Variants in NTAQ1 observed in about 807,000 individuals in gnomAD.
NTAQ1 encodes the protein N-terminal glutamine amidase 1, also known as protein N-terminal glutamine amidohydrolase.
NTAQ1 carries 21 observed loss-of-function variants against 28.2 expected under a neutral mutation model. The observed-to-expected ratio is 0.74, with a 90% CI of 0.53 to 1.07. The LOEUF (loss-of-function observed/expected upper bound fraction) is 1.07, where lower values mean the gene tolerates loss of function less well. NTAQ1 is among the 50% of genes least tolerant of loss of function. The probability of loss-of-function intolerance (pLI) is 0.00; values close to 1 mark genes in which losing one functional copy is unlikely to be tolerated. For synonymous variants in NTAQ1, 105 were observed against 90.0 expected (o/e 1.17, Z -0.94); for missense variants, 264 against 256.6 (o/e 1.03, Z -0.20).
chr8:123,426,153 T>C (rs1425703850), intron 1 of NTAQ1, among the ~76,000 whole-genome samples: 1 of 152,204 alleles, frequency 6.6e-6, no homozygotes, highest in Non-Finnish European at 1.5e-5. Flanking sequence ...ACCCAACAGC[T>C]GAGCTGTGAG....
At chr8:123,457,655 C>T (rs987130868) in intron 6 of NTAQ1, among the ~76,000 whole-genome samples, 7 of 152,140 alleles carry the variant, frequency 4.6e-5, no homozygotes, top group African/African-American at 1.7e-4. Flanking sequence ...AACTGGGTGG[C>T]TAGGGTCACG....
In NTAQ1 at chr8:123,436,397, C is replaced by G. The variant is rs73705918; in HGVS notation, c.235-56C>G. 1.7e-5 allele frequency: 27 copies of G among 1,562,690 alleles called. No homozygotes were observed. The African/African-American group carries it at 3.7e-4, about 21-fold the overall frequency. On this transcript the variant is annotated intron_variant, in intron 3 of 5. Coordinates refer to ENST00000287387, the MANE Select transcript of NTAQ1 (RefSeq NM_018024.3). ...TAGTGATAAGGTATGTGTCTGAATA[C>G]TGGGATTTCATCATTATGAAGTAAC...
chr8:123,468,152 G>A (rs1472378900), exon 7 of NTAQ1, among the ~76,000 whole-genome samples: 2 of 152,160 alleles, frequency 1.3e-5, no homozygotes, highest in Non-Finnish European at 2.9e-5. Flanking sequence ...CCCCCAAAGG[G>A]GGTAGTGGGG....
At chr8:123,419,308 G>A (rs1486163410) in intron 1 of NTAQ1, among the ~76,000 whole-genome samples, 3 of 151,900 alleles carry the variant, frequency 2.0e-5, no homozygotes, top group Non-Finnish European at 2.9e-5. Flanking sequence ...CACATTGGCT[G>A]GGCTGGTCTT....
Position 123,416,871 on chromosome 8 carries a change from G to T in NTAQ1, c.22G>T (p.Ala8Ser), listed in dbSNP as rs888435923. The T allele has an allele frequency of 3.9e-6, 6 of 1,530,566 alleles. No individual in the cohort carries two copies. Among genetic ancestry groups the T allele is most frequent in the Non-Finnish European group, 5.3e-6 (6 of 1,139,692 alleles). 94.8% of individuals were successfully genotyped at this position (1,530,566 alleles called of 1,614,324 possible). The change falls in exon 1 of 6, where the codon GCT becomes TCT. Residue 8 changes from alanine to serine, a missense_variant. By Grantham distance (99) the Ala-to-Ser change is moderately conservative (BLOSUM62 1). Transcript: ENST00000287387. ...GGCCATGGAAGGTAATGGCCCCGCT[G>T]CTGTCCACTACCAGCCGGCCAGCCC... is the stretch of plus-strand genomic sequence containing the variant. MEGNGPA[A>S]VHYQPASPPR...
rs769952526 is a variant in NTAQ1 at position 123,441,523 on chromosome 8, T to G, written c.*108T>G. On this transcript the variant is annotated 3_prime_UTR_variant, in exon 6 of 6. Coordinates refer to ENST00000287387, the MANE Select transcript of NTAQ1 (RefSeq NM_018024.3). ...GTACAGTTGGCTTGGAATTATGTCT[T>G]TCTCTTTTAATTTGATTGAGTGGAA... 12 of 844,520 alleles carry G rather than the reference T, an allele frequency of 1.4e-5. No homozygotes were observed. Among genetic ancestry groups the G allele is most frequent in the Non-Finnish European group, 2.3e-5 (12 of 527,462 alleles). The allele number at this position is 844,520 out of a possible 1,614,324, so 52.3% of individuals were successfully genotyped here. A position where few individuals can be genotyped will look rare whatever the true frequency, so the allele number is the denominator to read the frequency against.
At chr8:123,426,722 G>T (rs529636832) in intron 1 of NTAQ1, among the ~76,000 whole-genome samples, 1 of 152,248 alleles carries the variant, frequency 6.6e-6, no homozygotes, top group East Asian at 1.9e-4. Flanking sequence ...CACTTTGGGA[G>T]GCTGAGGTAG....
chr8:123,432,682 T>G (rs996200840), intron 3 of NTAQ1, among the ~76,000 whole-genome samples: 1 of 52,314 alleles, frequency 1.9e-5, no homozygotes, highest in African/African-American at 8.1e-5. Flanking sequence ...AAATTTTATT[T>G]ATGTATTTTT....
chr8:123,416,951 A>T lies in NTAQ1; in HGVS notation c.83+19A>T. 1 of 1,455,824 alleles carries T rather than the reference A, an allele frequency of 6.9e-7. No individual in the cohort carries two copies. Among genetic ancestry groups the T allele is most frequent in the Non-Finnish European group, 9.1e-7 (1 of 1,099,238 alleles). 90.2% of individuals were successfully genotyped at this position (1,455,824 alleles called of 1,614,324 possible). On this transcript the variant is annotated intron_variant, in intron 1 of 5. Coordinates refer to ENST00000287387, the MANE Select transcript of NTAQ1 (RefSeq NM_018024.3). ...GCTACTGGTGAGGGGGCGCGGGCGC[A>T]GCCTCTGGGTCTCCCAGGCTCCCGG... is the stretch of plus-strand genomic sequence containing the variant.
intron 3 of NTAQ1, among the ~76,000 whole-genome samples, chr8:123,431,989 T>C (rs1414348968): frequency 6.6e-6 from 1 of 152,182 alleles, no homozygotes; most frequent in Non-Finnish European, 1.5e-5. Context: ...CCTGTAGCCA[T>C]GTCTCCCTTA....
chr8:123,450,071 C>T (rs191403341), downstream of NTAQ1, among the ~76,000 whole-genome samples: 563 of 147,232 alleles, frequency 3.8e-3, 5 homozygotes, highest in African/African-American at 0.013. Flanking sequence ...AAGATACAGG[C>T]CTCTATGATA....
rs766792817 is a variant in NTAQ1, at chr8:123,441,352, A to G, written c.555A>G (p.Val185=). ...ATTTCATCAGTATGGATCCCAAGGT[A>G]GGATGGGGCGCCGTCTACACACTAT... ...LNDFISMDPK[V]GWGAVYTLSE... Residue 185 remains valine (V), a synonymous_variant, in exon 6 of 6, where the codon GTA becomes GTG. Transcript: ENST00000287387. The G allele has an allele frequency of 6.2e-7, 1 of 1,612,602 alleles. No individual in the cohort carries two copies. The highest frequency in any genetic ancestry group is 8.5e-7 in the Non-Finnish European group (1 of 1,179,180).
chr8:123,466,372 G>A (rs1278749312), intron 6 of NTAQ1, among the ~76,000 whole-genome samples: 1 of 152,178 alleles, frequency 6.6e-6, no homozygotes, highest in Admixed American at 6.5e-5. Flanking sequence ...AGTGGAGGAG[G>A]ATTATGGCGC....
chr8:123,467,818 C>T (rs769693221), exon 7 of NTAQ1, among the ~76,000 whole-genome samples: 3 of 152,194 alleles, frequency 2.0e-5, no homozygotes, highest in Non-Finnish European at 4.4e-5. Context: ...GGCACGGTCT[C>T]GGCTCACTGC....
downstream of NTAQ1, among the ~76,000 whole-genome samples, chr8:123,447,039 GTCTA>G (rs1208272076): frequency 1.4e-5 from 2 of 140,334 alleles, no homozygotes; most frequent in African/African-American, 5.3e-5. Context: ...TATTCTGTCT[GTCTA>G]TCTATAGAGA....
intron 6 of NTAQ1, among the ~76,000 whole-genome samples, chr8:123,464,289 C>CG (rs1273989725): frequency 6.6e-6 from 1 of 152,100 alleles, no homozygotes; most frequent in Admixed American, 6.5e-5. Context: ...GATGTGATCA[C>CG]GGTAACTCCC....
chr8:123,453,391 T>C (rs1815559746), intron 6 of NTAQ1, among the ~76,000 whole-genome samples: 1 of 151,886 alleles, frequency 6.6e-6, no homozygotes. Context: ...GGGAAGAGAA[T>C]ATTTCATACA....
intron 6 of NTAQ1, among the ~76,000 whole-genome samples, chr8:123,466,820 G>A (rs1010290152): frequency 1.5e-4 from 23 of 152,066 alleles, no homozygotes; most frequent in Non-Finnish European, 7.4e-5. Flanking sequence ...TTCCATGGGC[G>A]ATACCATTTT....
intron 6 of NTAQ1, among the ~76,000 whole-genome samples, chr8:123,457,745 T>C (rs909020111): frequency 6.6e-6 from 1 of 152,038 alleles, no homozygotes; most frequent in East Asian, 1.9e-4. Context: ...TTATTAAGGG[T>C]AGAATTGACT....
Sources: gnomAD v4.1 joint callset for allele counts (sites outside exome capture counted in the v4.1 genomes callset) on GRCh38, gnomAD v4.1.1 for gene constraint, MANE v1.5 for transcripts, NCBI Gene and HGNC (gene_info 2026-07-23, HGNC 2026-07-21) for gene names.